HS6ST2: variants seen among roughly 807,000 people sequenced by gnomAD.
HS6ST2 encodes heparan-sulfate 6-O-sulfotransferase 2.
Under a neutral mutation model 33.0 loss-of-function variants are expected in HS6ST2, and 17 were observed. The observed-to-expected ratio is 0.52, with a 90% CI of 0.35 to 0.77. The LOEUF (loss-of-function observed/expected upper bound fraction) is 0.77. Ranked by LOEUF, HS6ST2 falls within the 30% of genes least tolerant of loss-of-function variation. HS6ST2 has a pLI of 0.01. For synonymous variants in HS6ST2, 248 were observed against 237.1 expected, an observed-to-expected ratio of 1.05 and a Z score of -0.42; for missense variants, 519 against 551.7, an observed-to-expected ratio of 0.94 and a Z score of 0.59.
chrX:132,724,259 C>A (rs773789690), intron 2 of HS6ST2, among the ~76,000 whole-genome samples: 2 of 112,078 alleles, frequency 1.8e-5, no homozygotes, highest in Admixed American at 1.9e-4. Context: ...ATTGGTAAAA[C>A]CTAAAGACTC....
intron 2 of HS6ST2, among the ~76,000 whole-genome samples, chrX:132,728,656 G>A (rs981650664): frequency 1.8e-5 from 2 of 111,900 alleles, no homozygotes; most frequent in African/African-American, 6.5e-5. Flanking sequence ...TTTATAAAAG[G>A]AATAACATGA....
intron 4 of HS6ST2, among the ~76,000 whole-genome samples, chrX:132,651,876 A>G (rs2063695427): frequency 9.0e-6 from 1 of 111,686 alleles, no homozygotes; most frequent in African/African-American, 3.3e-5. Context: ...GGGGTGGCAT[A>G]TGACTGGCAC....
At chrX:132,794,877 C>T (rs1307784952) in intron 2 of HS6ST2, among the ~76,000 whole-genome samples, 1 of 110,084 alleles carries the variant, frequency 9.1e-6, no homozygotes, top group East Asian at 2.8e-4. Context: ...CTTCTGGCAC[C>T]CATCGCAAGG....
At chrX:132,803,073 C>T (rs992625895) in intron 2 of HS6ST2, among the ~76,000 whole-genome samples, 4 of 111,436 alleles carry the variant, frequency 3.6e-5, no homozygotes, top group African/African-American at 1.3e-4. Flanking sequence ...CCAAGGCCAG[C>T]CCTGCCCAGT....
intron 2 of HS6ST2, among the ~76,000 whole-genome samples, chrX:132,880,496 G>A (rs1602797236): frequency 1.0e-5 from 1 of 97,402 alleles, no homozygotes; most frequent in Non-Finnish European, 2.0e-5. Context: ...CTACACTCCA[G>A]CCTGGATGGC....
chrX:132,836,275 C>G (rs2065643405), intron 2 of HS6ST2, among the ~76,000 whole-genome samples: 1 of 112,444 alleles, frequency 8.9e-6, no homozygotes, highest in Non-Finnish European at 1.9e-5. Flanking sequence ...TCAAGGAGCT[C>G]AAGACCAAGT....
chrX:132,868,958 C>T (rs185166473), intron 2 of HS6ST2, among the ~76,000 whole-genome samples: 7 of 104,124 alleles, frequency 6.7e-5, no homozygotes, highest in Admixed American at 6.2e-4. Context: ...GATAGAGAGA[C>T]GAAAAACCCT....
chrX:132,671,637 T>C (rs2063881336), intron 3 of HS6ST2, among the ~76,000 whole-genome samples: 1 of 109,678 alleles, frequency 9.1e-6, no homozygotes, highest in African/African-American at 3.3e-5. Flanking sequence ...ACTGGTGCTC[T>C]AGCGGGAGGT....
rs1037594362 is a variant in HS6ST2 at position 132,934,753 on chromosome X, G to T, written c.947+22055C>A. ...ATATATGGAAAATCAAAATAAGATG[G>T]ATCAAGCTATATCATTAATATTGTT... On this transcript the variant is annotated intron_variant, in intron 2 of 4. Transcript: ENST00000370833. 3.6e-5 allele frequency among the ~76,000 whole-genome samples: 4 copies of T among 111,445 alleles called. No homozygotes were observed. The Admixed American group carries it at 3.8e-4, about 11-fold the overall frequency.
upstream of HS6ST2, chrX:132,958,707 C>T (rs2067120798): frequency 1.3e-6 from 1 of 797,861 alleles, no homozygotes; most frequent in Non-Finnish European, 1.7e-6. Context: ...AGCAGAGAAC[C>T]TGGGTTTTCT....
chrX:132,954,899 G>A lies in HS6ST2; in HGVS notation c.947+1909C>T, dbSNP rs772550541. ...TTCTGGAGAATGCGGGAAGGAATCT[G>A]CCAGAGGACAGTAGCCACCAAACAG... On this transcript the variant is annotated intron_variant, in intron 2 of 4. Transcript: ENST00000370833. Among the ~76,000 whole-genome samples, 5 of 111,927 alleles carry A rather than the reference G, an allele frequency of 4.5e-5. No individual in the cohort carries two copies. The South Asian group carries it at 1.9e-3, about 42-fold the overall frequency.
chrX:132,906,138 G>A (rs1234753961), intron 2 of HS6ST2, among the ~76,000 whole-genome samples: 1 of 112,527 alleles, frequency 8.9e-6, no homozygotes, highest in Non-Finnish European at 1.9e-5. Flanking sequence ...ATAATATCAC[G>A]TCATCTAATC....
intron 2 of HS6ST2, among the ~76,000 whole-genome samples, chrX:132,721,946 T>C (rs1361865519): frequency 9.1e-6 from 1 of 110,427 alleles, no homozygotes; most frequent in East Asian, 2.8e-4. Context: ...CCTAGCACTT[T>C]GGGAGGCCGA....
chrX:132,862,089 A>G (rs995282500), intron 2 of HS6ST2, among the ~76,000 whole-genome samples: 1 of 111,852 alleles, frequency 8.9e-6, no homozygotes, highest in Admixed American at 9.5e-5. Context: ...TTAATTGATA[A>G]CCAGTTTTTC....
intron 2 of HS6ST2, among the ~76,000 whole-genome samples, chrX:132,783,734 G>GGGGTT (rs2065036030): frequency 9.0e-6 from 1 of 111,107 alleles, no homozygotes; most frequent in Non-Finnish European, 1.9e-5. Flanking sequence ...GCCTCAGGAA[G>GGGGTT]CCCTCTCCAG....
chrX:132,765,069 T>C (rs781415618), intron 2 of HS6ST2, among the ~76,000 whole-genome samples: 1 of 112,332 alleles, frequency 8.9e-6, no homozygotes, highest in African/African-American at 3.2e-5. Context: ...TGCTAAGCAC[T>C]GGGTAAGACC....
At chrX:132,867,464 G>T (rs776750596) in intron 2 of HS6ST2, among the ~76,000 whole-genome samples, 2 of 110,979 alleles carry the variant, frequency 1.8e-5, no homozygotes, top group African/African-American at 6.6e-5. Context: ...GTCTTTGCCC[G>T]GCTTTGGTAT....
intron 2 of HS6ST2, among the ~76,000 whole-genome samples, chrX:132,715,529 C>T (rs2064265870): frequency 8.9e-6 from 1 of 112,335 alleles, no homozygotes; most frequent in Non-Finnish European, 1.9e-5. Context: ...CTAGTGTCAC[C>T]CAACTCTTCC....
chrX:132,754,372 G>A (rs2064736859), intron 2 of HS6ST2, among the ~76,000 whole-genome samples: 1 of 110,032 alleles, frequency 9.1e-6, no homozygotes, highest in Non-Finnish European at 1.9e-5. Context: ...GTATTTGTCA[G>A]GTTAATCCAT....
Sources: gnomAD v4.1 joint callset for allele counts (sites outside exome capture counted in the v4.1 genomes callset) on GRCh38, gnomAD v4.1.1 for gene constraint, MANE v1.5 for transcripts, NCBI Gene and HGNC (gene_info 2026-07-23, HGNC 2026-07-21) for gene names.